The following TTLL6 variants were observed in gnomAD, a reference collection of about 807,000 sequenced individuals.
The protein encoded by TTLL6 is tubulin tyrosine ligase like 6.
In TTLL6, 75 loss-of-function variants were observed where a neutral mutation model predicts 96.4. The observed-to-expected ratio is 0.78, with a 90% CI of 0.65 to 0.94. The LOEUF is 0.94. Among genes scored for constraint, TTLL6 ranks in the 40% least tolerant of loss-of-function variants. The probability of loss-of-function intolerance (pLI) is 0.00; values close to 1 mark genes in which losing one functional copy is unlikely to be tolerated. For missense variants in TTLL6, 1,030 were observed against 1,093.0 expected (o/e 0.94, Z 0.81); for synonymous variants, 411 against 419.4 (o/e 0.98, Z 0.24).
intron 13 of TTLL6, 74 bp downstream of exon 13, chr17:48,784,849 C>A: frequency 7.4e-7 from 1 of 1,349,846 alleles, no homozygotes; most frequent in South Asian, 1.3e-5. Context: ...AGGGTCACAG[C>A]AAGTTGGGGG....
At position 48,817,094 on chromosome 17, in the gene TTLL6, C is replaced by G; in HGVS notation, c.-22G>C. 1 of 1,525,900 alleles carries G rather than the reference C, an allele frequency of 6.6e-7. No individual in the cohort carries two copies. Among genetic ancestry groups the G allele is most frequent in the Non-Finnish European group, 8.8e-7 (1 of 1,136,358 alleles). 94.5% of individuals were successfully genotyped at this position (1,525,900 alleles called of 1,614,324 possible). ...CCATTGGCTGCCAGACAGCCCCAAC[C>G]CCAACCCGCGCTCGCCCTAACTTTG... On this transcript the variant is annotated 5_prime_UTR_variant, in exon 1 of 16. Coordinates refer to ENST00000393382, the MANE Select transcript of TTLL6 (RefSeq NM_001130918.3).
At chr17:48,794,496 G>A (rs1012025052) in intron 8 of TTLL6, among the ~76,000 whole-genome samples, 1 of 152,132 alleles carries the variant, frequency 6.6e-6, no homozygotes, top group African/African-American at 2.4e-5. Flanking sequence ...AAGCCTAGTT[G>A]GCAAGTGTCG....
intron 15 of TTLL6, among the ~76,000 whole-genome samples, chr17:48,767,575 A>G (rs895968095): frequency 6.6e-6 from 1 of 152,196 alleles, no homozygotes; most frequent in Non-Finnish European, 1.5e-5. Flanking sequence ...TACTGGTCAC[A>G]AGGGGCCAGG....
intron 9 of TTLL6, among the ~76,000 whole-genome samples, chr17:48,790,986 G>A (rs946318050): frequency 6.6e-6 from 1 of 152,138 alleles, no homozygotes; most frequent in African/African-American, 2.4e-5. Flanking sequence ...TGGTGTGTGT[G>A]AACTGAGTAA....
At chr17:48,788,098 G>T in intron 10 of TTLL6, 99 bp from the exon 11 acceptor site, 1 of 1,083,224 alleles carries the variant, frequency 9.2e-7, no homozygotes, top group Non-Finnish European at 1.3e-6. Context: ...CCAGATGGAG[G>T]CCTTGCACAT....
chr17:48,787,083 C>G (rs1024973128), intron 11 of TTLL6, among the ~76,000 whole-genome samples: 1 of 152,110 alleles, frequency 6.6e-6, no homozygotes, highest in Non-Finnish European at 1.5e-5. Flanking sequence ...CCTGCCTCGG[C>G]CTCCCAAAGT....
intron 1 of TTLL6, chr17:48,812,070 CCCCCCA>C (rs2039604202): frequency 1.1e-5 from 1 of 94,834 alleles, no homozygotes; most frequent in South Asian, 5.5e-4. Flanking sequence ...TGGGACCCCC[CCCCCCA>C]CCCCCCGCTC....
chr17:48,808,930 C>T (rs2039543228), intron 1 of TTLL6, among the ~76,000 whole-genome samples: 1 of 152,212 alleles, frequency 6.6e-6, no homozygotes, highest in Non-Finnish European at 1.5e-5. Flanking sequence ...GATATGACTG[C>T]ACCCTTCCAC....
chr17:48,783,313 T>C (rs561773888), intron 13 of TTLL6, among the ~76,000 whole-genome samples: 1 of 152,270 alleles, frequency 6.6e-6, no homozygotes, highest in East Asian at 1.9e-4. Context: ...TGGGCTTCAG[T>C]GGGAGGAACA....
At chr17:48,773,386 T>C (rs868026848) in intron 13 of TTLL6, among the ~76,000 whole-genome samples, 52 of 152,320 alleles carry the variant, frequency 3.4e-4, no homozygotes, top group African/African-American at 1.2e-3. Flanking sequence ...AACCATACTC[T>C]GGTTTCTCTT....
chr17:48,775,665 C>T (rs2038855684), intron 13 of TTLL6, among the ~76,000 whole-genome samples: 1 of 152,008 alleles, frequency 6.6e-6, no homozygotes, highest in Non-Finnish European at 1.5e-5. Context: ...ACCCACCCTC[C>T]TGAGTAGCTG....
chr17:48,796,134 T>C lies in TTLL6; in HGVS notation c.925A>G (p.Met309Val), dbSNP rs1020871678. ...TTAATGGAATAATTAGTCAGGTGCA[T>C]GCAGATATCATCCTGGGGAAAAAGA... is the stretch of plus-strand genomic sequence containing the variant. ...PCTDNLDDIC[M>V]HLTNYSINKH... Residue 309 changes from methionine to valine, a missense_variant, in exon 8 of 16, where the codon ATG becomes GTG. By Grantham distance (21) the Met-to-Val change is conservative (BLOSUM62 1). Transcript: ENST00000393382. 1.9e-5 allele frequency: 30 copies of C among 1,551,268 alleles called. No homozygotes were observed. The highest frequency in any genetic ancestry group is 1.7e-4 in the Middle Eastern group (1 of 6,014).
rs2039058232 is a variant in TTLL6, at chr17:48,784,934, T to G, written c.2029A>C (p.Thr677Pro). Residue 677 changes from threonine to proline, a missense_variant, in exon 13 of 16, where the codon ACT (threonine) becomes CCT (proline). By Grantham distance (38) the Thr-to-Pro change is conservative. Coordinates refer to ENST00000393382, the MANE Select transcript of TTLL6 (RefSeq NM_001130918.3). ...AKSASAVNVF[T>P]GTVHLTSVET... is the part of the protein sequence containing the mutation. Reference sequence around the variant, plus strand: ...GGCTCACTACTTACCACAGTGCCAGTGAATACGTTCACTGCAGAGGCAGAC... The same window carrying G: ...GGCTCACTACTTACCACAGTGCCAGGGAATACGTTCACTGCAGAGGCAGAC... 6.2e-7 allele frequency: 1 copy of G among 1,613,804 alleles called. No individual in the cohort carries two copies. The highest frequency in any genetic ancestry group is 8.5e-7 in the Non-Finnish European group (1 of 1,179,986).
intron 3 of TTLL6, among the ~76,000 whole-genome samples, 198 bp downstream of exon 3, chr17:48,803,693 T>G (rs1253196143): frequency 6.6e-6 from 1 of 152,210 alleles, no homozygotes; most frequent in African/African-American, 2.4e-5. Context: ...GTACACACCA[T>G]TGTGGTGAAA....
chr17:48,801,820 G>A (rs1185257162), intron 3 of TTLL6, among the ~76,000 whole-genome samples, 177 bp from the exon 4 acceptor site: 3 of 151,924 alleles, frequency 2.0e-5, no homozygotes, highest in African/African-American at 7.3e-5. Context: ...CACTGTCACT[G>A]CATCACTTGA....
rs1253037713 is a variant in TTLL6 at position 48,804,906 on chromosome 17, G to A, written c.189C>T (p.Ser63=). 9 of 1,551,896 alleles carry A rather than the reference G, an allele frequency of 5.8e-6. No individual in the cohort carries two copies. The South Asian group carries it at 8.3e-5, about 14-fold the overall frequency. ...CTTTGGAACTGTCCCCCTTCTCTTCGGAGTTTTCCCCTTCCTGGCTTTCCA... is the reference window on the plus strand; with the variant it reads ...CTTTGGAACTGTCCCCCTTCTCTTCAGAGTTTTCCCCTTCCTGGCTTTCCA... ...PTLESQEGEN[S]EEKGDSSKED... The change falls in exon 2 of 16, where the codon TCC becomes TCT. Residue 63 remains serine, a synonymous_variant. Transcript: ENST00000393382.
chr17:48,797,855 A>G (rs2039346853), intron 6 of TTLL6, among the ~76,000 whole-genome samples: 2 of 150,480 alleles, frequency 1.3e-5, no homozygotes, highest in African/African-American at 4.9e-5. Context: ...TATAATCCCA[A>G]TACTTTGGGA....
At chr17:48,791,734 C>G (rs2143377446) in intron 8 of TTLL6, 131 bp from the exon 9 acceptor site, 1 of 712,986 alleles carries the variant, frequency 1.4e-6, no homozygotes, top group South Asian at 1.9e-5. Flanking sequence ...GCCCAGGAAC[C>G]AGGGTGACAC....
Position 48,789,970 on chromosome 17 carries a change from C to T in TTLL6, c.1361G>A (p.Arg454Gln), listed in dbSNP as rs776686296. Reference protein sequence around the residue: ...KKKVLEEERQRGQFLQQCCSR... With the variant: ...KKKVLEEERQQGQFLQQCCSR... Reference sequence around the variant, plus strand: ...ACAACACTGCTGCAGGAACTGCCCCCGTTGTCTCTCCTCCTCCAAGACTTT... The same window carrying T: ...ACAACACTGCTGCAGGAACTGCCCCTGTTGTCTCTCCTCCTCCAAGACTTT... The change falls in exon 10 of 16, where the codon CGG becomes CAG. Residue 454 changes from arginine (R) to glutamine (Q), a missense_variant. Transcript: ENST00000393382. 37 of 1,614,064 alleles carry T rather than the reference C, an allele frequency of 2.3e-5. No individual in the cohort carries two copies. The South Asian group carries it at 3.1e-4, about 13-fold the overall frequency.
Sources: allele counts gnomAD v4.1 joint callset (sites outside exome capture counted in the v4.1 genomes callset), GRCh38; gene constraint gnomAD v4.1.1; transcripts MANE v1.5; gene names NCBI Gene and HGNC (gene_info 2026-07-23, HGNC 2026-07-21).